KLHL13: variants seen among roughly 807,000 people sequenced by gnomAD.
The protein encoded by KLHL13 is kelch-like protein 13.
A neutral mutation model predicts 37.1 loss-of-function variants in KLHL13; 10 were observed. The observed-to-expected ratio is 0.27, with a 90% CI of 0.17 to 0.46. The LOEUF is 0.46. KLHL13 is among the 20% of genes least tolerant of loss of function. The pLI, the probability that KLHL13 is intolerant of heterozygous loss-of-function variation, is 1.00. For synonymous variants in KLHL13, 163 were observed against 181.2 expected, an observed-to-expected ratio of 0.90 and a Z score of 0.81; for missense variants, 360 against 509.3, an observed-to-expected ratio of 0.71 and a Z score of 2.82.
At chrX:118,021,672 C>T (rs960447917) in intron 1 of KLHL13, among the ~76,000 whole-genome samples, 5 of 109,561 alleles carry the variant, frequency 4.6e-5, no homozygotes, top group Non-Finnish European at 7.5e-5. Flanking sequence ...CAAGTCTTTG[C>T]TATTGTGAAT....
At chrX:118,032,070 G>C (rs780671344) in intron 1 of KLHL13, among the ~76,000 whole-genome samples, 12 of 111,555 alleles carry the variant, frequency 1.1e-4, no homozygotes, top group African/African-American at 3.9e-4. Context: ...ATTATATCCA[G>C]CACCTGGCTC....
chrX:118,089,622 GAA>G (rs2055101298), intron 1 of KLHL13, among the ~76,000 whole-genome samples: 1 of 60,870 alleles, frequency 1.6e-5, no homozygotes, highest in Non-Finnish European at 3.4e-5. Flanking sequence ...GAAAGAAAGA[GAA>G]AGAAAGAAAG....
intron 1 of KLHL13, among the ~76,000 whole-genome samples, chrX:118,104,362 T>C (rs909852542): frequency 4.5e-5 from 5 of 111,874 alleles, no homozygotes; most frequent in African/African-American, 1.6e-4. Context: ...TAATTAAAAA[T>C]ATCAGTGTAT....
chrX:117,925,057 G>C lies in KLHL13; in HGVS notation c.241-4687C>G, dbSNP rs536822905. On this transcript the variant is annotated intron_variant, in intron 2 of 6. Coordinates refer to ENST00000262820, the Ensembl canonical transcript of KLHL13. ...AAAGAAAGTCTGAAACATCTAATGA[G>C]TTTGATAAATTTTAAAATGATCATA... Among the ~76,000 whole-genome samples the C allele has an allele frequency of 1.3e-4, 15 of 111,178 alleles. No individual in the cohort carries two copies. In the South Asian group the frequency reaches 5.8e-3, roughly 43 times the overall value.
At chrX:117,962,024 C>T (rs1484762691) in intron 1 of KLHL13, among the ~76,000 whole-genome samples, 1 of 94,107 alleles carries the variant, frequency 1.1e-5, no homozygotes, top group Non-Finnish European at 2.0e-5. Flanking sequence ...GGTAACACAG[C>T]GAGACCTCAT....
chrX:118,090,376 C>T (rs1190797795), intron 1 of KLHL13, among the ~76,000 whole-genome samples: 2 of 111,379 alleles, frequency 1.8e-5, no homozygotes, highest in Non-Finnish European at 3.8e-5. Context: ...ATCTACTTAT[C>T]TAACAAAGGG....
intron 1 of KLHL13, among the ~76,000 whole-genome samples, chrX:118,083,553 G>A (rs941548884): frequency 1.8e-5 from 2 of 111,623 alleles, no homozygotes; most frequent in Admixed American, 1.9e-4. Context: ...GTAGAGAGTA[G>A]AATAGTGGTT....
intron 4 of KLHL13, among the ~76,000 whole-genome samples, chrX:117,917,239 G>A (rs1328831601): frequency 9.0e-6 from 1 of 111,378 alleles, no homozygotes; most frequent in Non-Finnish European, 1.9e-5. Context: ...CTGCAAAAAA[G>A]GATGAAGGAC....
intron 1 of KLHL13, among the ~76,000 whole-genome samples, chrX:118,026,762 C>T (rs972225745): frequency 2.1e-4 from 23 of 111,779 alleles, no homozygotes; most frequent in Non-Finnish European, 3.2e-4. Flanking sequence ...ACCATAGATA[C>T]CACAGTTGGT....
intron 1 of KLHL13, among the ~76,000 whole-genome samples, chrX:117,969,790 T>A (rs149159273): frequency 0.05 from 5,609 of 111,864 alleles, 157 homozygotes; most frequent in Middle Eastern, 0.12. Context: ...CAAAATTTTT[T>A]AAGTGCTTTA....
chrX:117,993,203 G>A lies in KLHL13; in HGVS notation c.-55-47628C>T, dbSNP rs146662906. Among the ~76,000 whole-genome samples the A allele has an allele frequency of 1.2e-3, 131 of 111,723 alleles. 1 individual carries two copies. Among genetic ancestry groups the A allele is most frequent in the African/African-American group, 4.1e-3 (126 of 30,761 alleles). The stretch of plus-strand genomic sequence containing the variant: ...TCAAGTGAGACAGAGGGGATGGTTA[G>A]GAGAGAGGGTGCGGGTGCAAGACTA... On this transcript the variant is annotated intron_variant, in intron 1 of 6. Transcript: ENST00000371882.
At chrX:118,053,326 T>A (rs1479952774) in intron 1 of KLHL13, among the ~76,000 whole-genome samples, 1 of 111,893 alleles carries the variant, frequency 8.9e-6, no homozygotes, top group Non-Finnish European at 1.9e-5. Context: ...AATGATGAGT[T>A]CATGTCCTTT....
At chrX:118,048,453 T>C (rs1474754455) in intron 1 of KLHL13, among the ~76,000 whole-genome samples, 3 of 111,464 alleles carry the variant, frequency 2.7e-5, no homozygotes, top group Admixed American at 9.5e-5. Context: ...AAGGATACTC[T>C]AGGAGCTTCA....
chrX:117,996,154 G>A (rs764433922), intron 1 of KLHL13, among the ~76,000 whole-genome samples: 10 of 112,129 alleles, frequency 8.9e-5, no homozygotes, highest in Non-Finnish European at 1.5e-4. Context: ...ACCAGAATGT[G>A]TGTCTCTACA....
At chrX:117,899,985 C>A (rs1005575228) in intron 6 of KLHL13, among the ~76,000 whole-genome samples, 2 of 112,362 alleles carry the variant, frequency 1.8e-5, no homozygotes, top group Admixed American at 9.4e-5. Context: ...ATAGAGTTTT[C>A]TGTGGGCAGA....
intron 1 of KLHL13, among the ~76,000 whole-genome samples, chrX:118,065,444 T>C (rs748803353): frequency 1.8e-5 from 2 of 111,250 alleles, no homozygotes; most frequent in African/African-American, 6.5e-5. Context: ...CTTTGGGCCA[T>C]GCTGATTAGA....
At chrX:118,096,256 G>A (rs980398005) in intron 1 of KLHL13, among the ~76,000 whole-genome samples, 8 of 111,350 alleles carry the variant, frequency 7.2e-5, no homozygotes, top group East Asian at 2.8e-4. Context: ...TATCACCACC[G>A]ATCCCACAGA....
intron 2 of KLHL13, among the ~76,000 whole-genome samples, chrX:117,943,860 T>G (rs1933180014): frequency 9.0e-6 from 1 of 110,701 alleles, no homozygotes; most frequent in African/African-American, 3.3e-5. Flanking sequence ...TGTCCACTTT[T>G]GTTCCTTTGC....
intron 1 of KLHL13, among the ~76,000 whole-genome samples, chrX:118,070,576 T>C (rs1266409868): frequency 1.8e-5 from 2 of 111,051 alleles, no homozygotes; most frequent in African/African-American, 6.5e-5. Flanking sequence ...CTTGCTGAAA[T>C]ATTCTATGTA....
Sources: gnomAD v4.1 joint callset for allele counts (sites outside exome capture counted in the v4.1 genomes callset) on GRCh38, gnomAD v4.1.1 for gene constraint, MANE v1.5 for transcripts, NCBI Gene and HGNC (gene_info 2026-07-23, HGNC 2026-07-21) for gene names.